Variants in CFAP20DC observed in about 807,000 individuals in gnomAD.
CFAP20DC encodes the protein CFAP20 domain containing, also known as protein CFAP20DC.
Under a neutral mutation model 101.7 loss-of-function variants are expected in CFAP20DC, and 84 were observed. The observed-to-expected ratio is 0.83, with a 90% confidence interval of 0.69 to 0.99. CFAP20DC has a LOEUF of 0.99. Ranked by LOEUF, CFAP20DC falls within the 50% of genes least tolerant of loss-of-function variation. The pLI is 0.00. For synonymous variants in CFAP20DC, 359 were observed against 351.2 expected, an observed-to-expected ratio of 1.02 and a Z score of -0.25; for missense variants, 1,007 against 970.3, an observed-to-expected ratio of 1.04 and a Z score of -0.50.
chr3:58,794,437 A>G (rs1006380088), intron 15 of CFAP20DC: 19 of 428,194 alleles, frequency 4.4e-5, no homozygotes, highest in Admixed American at 4.3e-4. Flanking sequence ...AAGTCATCTT[A>G]AACAGCCTGG....
chr3:58,723,747 C>A (rs573456930), intron 3 of CFAP20DC, among the ~76,000 whole-genome samples: 4 of 152,308 alleles, frequency 2.6e-5, no homozygotes, highest in African/African-American at 9.6e-5. Flanking sequence ...TAAGTAGTAA[C>A]CTTCCCCTTA....
chr3:58,798,261 G>A (rs965909240), intron 15 of CFAP20DC, among the ~76,000 whole-genome samples: 1 of 152,188 alleles, frequency 6.6e-6, no homozygotes, highest in African/African-American at 2.4e-5. Flanking sequence ...AAAACATGCA[G>A]CATTCATGGG....
intron 14 of CFAP20DC, among the ~76,000 whole-genome samples, chr3:58,817,969 G>A (rs1440633219): frequency 4.0e-5 from 6 of 150,540 alleles, no homozygotes; most frequent in African/African-American, 1.5e-4. Flanking sequence ...AGCCAGAAGA[G>A]AGTGGGAGCC....
chr3:58,926,888 G>T (rs1264557163), intron 5 of CFAP20DC, among the ~76,000 whole-genome samples: 2 of 152,114 alleles, frequency 1.3e-5, no homozygotes, highest in Non-Finnish European at 2.9e-5. Flanking sequence ...TATGCTGAAT[G>T]ATATCTCATA....
At chr3:58,977,407 T>A (rs2092323698) in intron 4 of CFAP20DC, among the ~76,000 whole-genome samples, 1 of 152,270 alleles carries the variant, frequency 6.6e-6, no homozygotes, top group Non-Finnish European at 1.5e-5. Context: ...TTAAAGGATA[T>A]AAATTAAACA....
intron 3 of CFAP20DC, chr3:58,727,411 A>T (rs1190744826): frequency 1.3e-5 from 2 of 152,106 alleles, no homozygotes; most frequent in African/African-American, 2.4e-5. Context: ...GATCAGCTTC[A>T]TGTGCCCACA....
chr3:58,762,416 T>C (rs1378184284), intron 15 of CFAP20DC, among the ~76,000 whole-genome samples: 2 of 152,210 alleles, frequency 1.3e-5, no homozygotes, highest in African/African-American at 2.4e-5. Context: ...CCTTTTATTT[T>C]GAGCCTGTGT....
chr3:58,808,364 T>G (rs1575700980), intron 14 of CFAP20DC, among the ~76,000 whole-genome samples: 1 of 152,330 alleles, frequency 6.6e-6, no homozygotes, highest in African/African-American at 2.4e-5. Context: ...ACAGCTGATC[T>G]CTCAGCAGAA....
chr3:58,870,751 G>T (rs1380760392), intron 7 of CFAP20DC, among the ~76,000 whole-genome samples: 6 of 148,516 alleles, frequency 4.0e-5, no homozygotes, highest in East Asian at 3.9e-4. Flanking sequence ...AGCCAGGCGC[G>T]GTGGCGGGCG....
At chr3:58,804,565 G>A (rs2073926691) in intron 15 of CFAP20DC, among the ~76,000 whole-genome samples, 1 of 152,040 alleles carries the variant, frequency 6.6e-6, no homozygotes, top group African/African-American at 2.4e-5. Flanking sequence ...GTTTCACCAT[G>A]TTGGCTAGTC....
chr3:58,737,026 G>C (rs1025396275), downstream of CFAP20DC: 1 of 315,678 alleles, frequency 3.2e-6, no homozygotes, highest in Non-Finnish European at 6.2e-6. This position sits in a 1 kb window ranked among gnomAD's most constrained non-coding sequence, Gnocchi z 4.1. Context: ...CTTTCATTTA[G>C]ATTTATCCTT....
intron 10 of CFAP20DC, among the ~76,000 whole-genome samples, chr3:58,867,053 CT>C (rs2079757374): frequency 6.6e-6 from 1 of 152,074 alleles, no homozygotes; most frequent in African/African-American, 2.4e-5. Context: ...AAATGGGACT[CT>C]TTTTGGCCAA....
At chr3:58,902,960 CTGCAGATA>C (rs1454711863) in intron 6 of CFAP20DC, among the ~76,000 whole-genome samples, 4 of 152,000 alleles carry the variant, frequency 2.6e-5, no homozygotes, top group African/African-American at 9.7e-5. Context: ...AATGGGGAAG[CTGCAGATA>C]TGGAGGGTGG....
At chr3:58,800,111 G>A (rs764669102) in intron 15 of CFAP20DC, among the ~76,000 whole-genome samples, 1 of 152,174 alleles carries the variant, frequency 6.6e-6, no homozygotes, top group South Asian at 2.1e-4. Context: ...CAGGGTAAGC[G>A]TAATTTGGTC....
chr3:58,762,049 A>T (rs1314362441), intron 15 of CFAP20DC, among the ~76,000 whole-genome samples: 1 of 152,198 alleles, frequency 6.6e-6, no homozygotes, highest in Non-Finnish European at 1.5e-5. Context: ...GATGTCTATT[A>T]GGTCTGCTTG....
intron 3 of CFAP20DC, among the ~76,000 whole-genome samples, chr3:59,042,941 T>C (rs967051330): frequency 6.6e-6 from 1 of 152,146 alleles, no homozygotes; most frequent in African/African-American, 2.4e-5. Context: ...GCTTTTTTTC[T>C]AAGCAACTGA....
chr3:58,962,559 G>C (rs1576501250), intron 4 of CFAP20DC, among the ~76,000 whole-genome samples: 1 of 152,132 alleles, frequency 6.6e-6, no homozygotes, highest in Non-Finnish European at 1.5e-5. Context: ...TGGCTTCCTA[G>C]GGGTCACTGC....
Position 58,882,864 on chromosome 3 carries a change from C to G in CFAP20DC, c.715+1681G>C, listed in dbSNP as rs143691718. On this transcript the variant is annotated intron_variant, in intron 7 of 16. Coordinates refer to ENST00000482387, the MANE Select transcript of CFAP20DC (RefSeq NM_001394063.1). The surrounding 1 kb of genome is among the most constrained non-coding windows in gnomAD (Gnocchi z 4.2). Reference sequence around the variant, plus strand: ...AGGGGTTGTTCATCATACATTCTCTCGAATTTTCTGTAAGTTTGGAAATGT... The same window carrying G: ...AGGGGTTGTTCATCATACATTCTCTGGAATTTTCTGTAAGTTTGGAAATGT... Among the ~76,000 whole-genome samples the G allele has an allele frequency of 6.6e-6, 1 of 152,022 alleles. No individual in the cohort carries two copies. Among genetic ancestry groups the G allele is most frequent in the Non-Finnish European group, 1.5e-5 (1 of 67,996 alleles).
intron 14 of CFAP20DC, among the ~76,000 whole-genome samples, chr3:58,830,236 C>G (rs533231838): frequency 6.6e-6 from 1 of 152,286 alleles, no homozygotes; most frequent in African/African-American, 2.4e-5. Flanking sequence ...GAATTCTTCT[C>G]CATGAAGACT....
Sources: allele counts gnomAD v4.1 joint callset (sites outside exome capture counted in the v4.1 genomes callset), GRCh38; gene constraint gnomAD v4.1.1; non-coding constraint Gnocchi (gnomAD v3.1); transcripts MANE v1.5; gene names NCBI Gene and HGNC (gene_info 2026-07-23, HGNC 2026-07-21).